Variants in ADCY3 observed in about 807,000 individuals in gnomAD.
The protein encoded by ADCY3 is adenylate cyclase 3, also known as adenylate cyclase type 3.
In ADCY3, 70 loss-of-function variants were observed where a neutral mutation model predicts 119.4. The ratio of observed to expected loss-of-function variants is 0.59; its 90% CI spans 0.48 to 0.72. ADCY3 has a LOEUF of 0.72. Among genes scored for constraint, ADCY3 ranks in the 30% least tolerant of loss-of-function variants. The pLI, the probability that ADCY3 is intolerant of heterozygous loss-of-function variation, is 0.00. For synonymous variants in ADCY3, 672 were observed against 621.4 expected (o/e 1.08, Z -1.21); for missense variants, 1,238 against 1,541.6 (o/e 0.80, Z 3.30).
chr2:24,821,746 T>G (rs1337715147), intron 19 of ADCY3, 106 bp from the exon 20 acceptor site: 1 of 1,477,174 alleles, frequency 6.8e-7, no homozygotes, highest in Non-Finnish European at 9.1e-7. Context: ...TACACCTAGA[T>G]GTTCAAGGCC....
intron 2 of ADCY3, among the ~76,000 whole-genome samples, chr2:24,912,100 C>T (rs563515035): frequency 2.7e-4 from 41 of 152,292 alleles, no homozygotes; most frequent in African/African-American, 8.4e-4. Context: ...CCTCGACCTA[C>T]GCACAATGTG....
intron 13 of ADCY3, among the ~76,000 whole-genome samples, chr2:24,830,005 G>C (rs552824476): frequency 6.6e-6 from 1 of 150,704 alleles, no homozygotes; most frequent in Admixed American, 6.6e-5. Context: ...TCTGGACTCT[G>C]TCACTTCCTG....
At chr2:24,866,373 G>A (rs1489288968) in intron 3 of ADCY3, among the ~76,000 whole-genome samples, 1 of 151,922 alleles carries the variant, frequency 6.6e-6, no homozygotes, top group Non-Finnish European at 1.5e-5. Context: ...AGGAGTTTGA[G>A]ACCAGTTTGG....
At chr2:24,854,671 A>G (rs1171181979) in intron 3 of ADCY3, among the ~76,000 whole-genome samples, 2 of 152,204 alleles carry the variant, frequency 1.3e-5, no homozygotes, top group African/African-American at 4.8e-5. Flanking sequence ...CAAATGCAGG[A>G]GAACAGAATG....
chr2:24,896,836 CCCT>C (rs1202266487), intron 2 of ADCY3, among the ~76,000 whole-genome samples: 2 of 152,266 alleles, frequency 1.3e-5, no homozygotes, highest in East Asian at 1.9e-4. Context: ...GATCTCTGTT[CCCT>C]CAACTTAGTA....
chr2:24,823,847 G>A (rs866926838), intron 17 of ADCY3, among the ~76,000 whole-genome samples: 13 of 151,916 alleles, frequency 8.6e-5, no homozygotes, highest in Non-Finnish European at 8.8e-5. Flanking sequence ...GTGCACCACC[G>A]CGTCCAGTTA....
At chr2:24,853,712 C>T (rs1325165396) in intron 3 of ADCY3, among the ~76,000 whole-genome samples, 1 of 152,032 alleles carries the variant, frequency 6.6e-6, no homozygotes, top group African/African-American at 2.4e-5. Context: ...GCCCGAGATC[C>T]TGACCTCAGG....
In ADCY3 at chr2:24,872,747, G is replaced by C. The variant is rs201236170; in HGVS notation, c.676-28C>G. ...GCACCCCAAGGAAGAAGAGAGAAAA[G>C]GCCAGGGGTGAAGGCACGTCTTCAG... On this transcript the variant is annotated intron_variant, in intron 2 of 21. Transcript: ENST00000679454. The surrounding 1 kb of genome is among the most constrained non-coding windows in gnomAD (Gnocchi z 4.4). 1 of 1,605,158 alleles carries C rather than the reference G, an allele frequency of 6.2e-7. No homozygotes were observed. Among genetic ancestry groups the C allele is most frequent in the Admixed American group, 1.7e-5 (1 of 59,526 alleles).
At chr2:24,896,341 T>C (rs1678271734) in intron 2 of ADCY3, among the ~76,000 whole-genome samples, 1 of 151,976 alleles carries the variant, frequency 6.6e-6, no homozygotes, top group Non-Finnish European at 1.5e-5. Context: ...GCCGAGATCG[T>C]GCCACTGCAC....
chr2:24,840,449 A>G, intron 6 of ADCY3: 1 of 398,716 alleles, frequency 2.5e-6, no homozygotes, highest in Non-Finnish European at 5.2e-6. Context: ...AGAGAATGTT[A>G]GAGTTCCTGG....
chr2:24,851,114 C>T (rs1320195219), intron 3 of ADCY3, among the ~76,000 whole-genome samples: 2 of 152,186 alleles, frequency 1.3e-5, no homozygotes, highest in Admixed American at 6.5e-5. Flanking sequence ...TCCCTGACCT[C>T]GGCTTCTCTG....
rs1410222149 is a variant in ADCY3, at chr2:24,918,211, A to G, written c.675+102T>C. On this transcript the variant is annotated intron_variant, in intron 2 of 21. Coordinates refer to ENST00000679454, the MANE Select transcript of ADCY3 (RefSeq NM_004036.5). The surrounding 1 kb of genome is among the most constrained non-coding windows in gnomAD (Gnocchi z 5.4). The stretch of plus-strand genomic sequence containing the variant: ...TGAGAGCCCCGGAGGCCCCCAGGAC[A>G]CATTTTGACTCAAAGGCAAAGCAAA... The G allele has an allele frequency of 4.5e-6, 6 of 1,326,910 alleles. No homozygotes were observed. Among genetic ancestry groups the G allele is most frequent in the Non-Finnish European group, 6.2e-6 (6 of 971,326 alleles). 82.2% of individuals were successfully genotyped at this position (1,326,910 alleles called of 1,614,324 possible).
chr2:24,897,553 G>A (rs1008202193), intron 2 of ADCY3, among the ~76,000 whole-genome samples: 6 of 152,138 alleles, frequency 3.9e-5, no homozygotes, highest in South Asian at 2.1e-4. Context: ...CACAGTGCCC[G>A]GCGCGAAACA....
At position 24,820,125 on chromosome 2, in the gene ADCY3, AGGGGGAGCAAGAACGTGGCGTTACG is replaced by A. The variant is rs766386253; in HGVS notation, c.3253-36_3253-12del. On this transcript the variant is annotated splice_polypyrimidine_tract_variant and intron_variant, in intron 21 of 21. Transcript: ENST00000679454. The stretch of plus-strand genomic sequence containing the variant: ...GGTTTCTTCTACCACCTGGAGAGGG[AGGGGGAGCAAGAACGTGGCGTTACG>A]GGGGGAGCCTAGACTGAGGGCGGGT... 12 of 1,207,042 alleles carry A rather than the reference AGGGGGAGCAAGAACGTGGCGTTACG, an allele frequency of 9.9e-6. No homozygotes were observed. The highest frequency in any genetic ancestry group is 1.2e-5 in the Non-Finnish European group (11 of 935,426). The allele number at this position is 1,207,042 out of a possible 1,614,324, so 74.8% of individuals were successfully genotyped here.
At chr2:24,902,401 A>G (rs1431775054) in intron 2 of ADCY3, among the ~76,000 whole-genome samples, 2 of 152,038 alleles carry the variant, frequency 1.3e-5, no homozygotes, top group Non-Finnish European at 2.9e-5. Flanking sequence ...ATTTTGATGA[A>G]TATGGACAAA....
chr2:24,829,039 T>TG (rs1288550615), intron 13 of ADCY3, among the ~76,000 whole-genome samples: 1 of 151,616 alleles, frequency 6.6e-6, no homozygotes, highest in Non-Finnish European at 1.5e-5. Flanking sequence ...TTTTTTGAGA[T>TG]GGAGTCTCGC....
intron 13 of ADCY3, among the ~76,000 whole-genome samples, chr2:24,829,658 G>C (rs934523411): frequency 1.3e-5 from 2 of 151,604 alleles, no homozygotes; most frequent in African/African-American, 4.9e-5. Context: ...TCCTGACCTC[G>C]TGATCCGCCC....
intron 17 of ADCY3, 90 bp downstream of exon 17, chr2:24,824,288 G>T: frequency 1.3e-6 from 2 of 1,512,764 alleles, no homozygotes; most frequent in Non-Finnish European, 1.8e-6. Context: ...CTGTCCCTGA[G>T]AAGGCCTGGG....
Position 24,834,763 on chromosome 2 carries a change from G to A in ADCY3, c.1805+31C>T, listed in dbSNP as rs1232516854. ...CCCTTGTCAGGGCCCGGGAGGAGTG[G>A]TGGGCCTGGACGCTTCCGGGTGGCG... On this transcript the variant is annotated intron_variant, in intron 10 of 21. Coordinates refer to ENST00000679454, the MANE Select transcript of ADCY3 (RefSeq NM_004036.5). The surrounding 1 kb of genome is among the most constrained non-coding windows in gnomAD (Gnocchi z 4.2). 6 of 1,604,762 alleles carry A rather than the reference G, an allele frequency of 3.7e-6. No homozygotes were observed. In the Admixed American group the frequency reaches 1.0e-4, roughly 27 times the overall value.
Sources: gnomAD v4.1 joint callset for allele counts (sites outside exome capture counted in the v4.1 genomes callset) on GRCh38, gnomAD v4.1.1 for gene constraint, Gnocchi (gnomAD v3.1) non-coding constraint, MANE v1.5 for transcripts, NCBI Gene and HGNC (gene_info 2026-07-23, HGNC 2026-07-21) for gene names.